The following DACH2 variants were observed in gnomAD, a reference collection of about 807,000 sequenced individuals.
DACH2 encodes the protein dachshund family transcription factor 2, also known as dachshund homolog 2.
A neutral mutation model predicts 35.8 loss-of-function variants in DACH2; 17 were observed. That is an observed-to-expected ratio of 0.48 (90% CI 0.33 to 0.71). The LOEUF is 0.71. Ranked by LOEUF, DACH2 falls within the 30% of genes least tolerant of loss-of-function variation. The pLI is 0.02. For missense variants in DACH2, 469 were observed against 472.7 expected, an observed-to-expected ratio of 0.99 and a Z score of 0.07; for synonymous variants, 195 against 177.3, an observed-to-expected ratio of 1.10 and a Z score of -0.79.
chrX:86,830,176 G>A (rs11092827), intron 11 of DACH2: 41,882 of 110,348 alleles, frequency 0.38, 6,127 homozygotes, highest in Middle Eastern at 0.44. Flanking sequence ...TCATATTATA[G>A]CTGAAATGCA....
At chrX:86,502,409 A>G (rs761997633) in intron 2 of DACH2, among the ~76,000 whole-genome samples, 52 of 111,909 alleles carry the variant, frequency 4.6e-4, no homozygotes, top group Admixed American at 2.5e-3. Flanking sequence ...ATTGCCCAAA[A>G]TATTTTAGAA....
At chrX:86,763,298 A>G (rs968452009) in intron 7 of DACH2, among the ~76,000 whole-genome samples, 3 of 112,475 alleles carry the variant, frequency 2.7e-5, no homozygotes, top group African/African-American at 9.7e-5. Context: ...GGAATGATTT[A>G]CAACCACAAA....
intron 1 of DACH2, among the ~76,000 whole-genome samples, chrX:86,229,872 G>T (rs1165196314): frequency 1.8e-5 from 2 of 110,685 alleles, no homozygotes; most frequent in Non-Finnish European, 3.8e-5. Flanking sequence ...TTCTGGAGGA[G>T]TCCTTAGGGT....
chrX:86,207,371 G>A, intron 1 of DACH2, among the ~76,000 whole-genome samples: 1 of 110,914 alleles, frequency 9.0e-6, no homozygotes. Flanking sequence ...CTTTGGCACT[G>A]GTGCGAGGAT....
At chrX:86,309,893 G>T (rs2034763168) in intron 1 of DACH2, among the ~76,000 whole-genome samples, 1 of 112,150 alleles carries the variant, frequency 8.9e-6, no homozygotes, top group South Asian at 3.7e-4. Flanking sequence ...ACAGAAGAAG[G>T]CTCTGCAACA....
chrX:86,311,160 G>T (rs929591569), intron 1 of DACH2, among the ~76,000 whole-genome samples: 2 of 111,912 alleles, frequency 1.8e-5, no homozygotes, highest in Non-Finnish European at 3.8e-5. Flanking sequence ...ACAAAGGTTT[G>T]CCCCCACAGG....
At chrX:86,676,642 A>G (rs1167832569) in intron 4 of DACH2, among the ~76,000 whole-genome samples, 1 of 112,074 alleles carries the variant, frequency 8.9e-6, no homozygotes, top group Non-Finnish European at 1.9e-5. Flanking sequence ...CGGCTACTAT[A>G]TGACACAGCT....
At chrX:86,152,672 TACA>T (rs1246456275) in intron 1 of DACH2, among the ~76,000 whole-genome samples, 1 of 111,965 alleles carries the variant, frequency 8.9e-6, no homozygotes, top group African/African-American at 3.2e-5. Flanking sequence ...CAAAGAACTG[TACA>T]ACATTTTTCC....
At chrX:86,289,059 C>T (rs1376926611) in intron 1 of DACH2, among the ~76,000 whole-genome samples, 1 of 110,124 alleles carries the variant, frequency 9.1e-6, no homozygotes, top group Non-Finnish European at 1.9e-5. Context: ...GGTATCACTG[C>T]TGGTTATTCA....
rs926827038 is a variant in DACH2, at chrX:86,630,949, T to C, written c.641-20087T>C. ...AAGTGGAACTTTAGCACAGATTGAG[T>C]GTATTCTCTCTTAATATCTATCTGT... On this transcript the variant is annotated intron_variant, in intron 3 of 11. Transcript: ENST00000373125. 4.5e-5 allele frequency among the ~76,000 whole-genome samples: 5 copies of C among 111,713 alleles called. No individual in the cohort carries two copies. In the East Asian group the frequency reaches 1.1e-3, roughly 25 times the overall value.
At chrX:86,416,969 C>A (rs1262981152) in intron 2 of DACH2, among the ~76,000 whole-genome samples, 1 of 107,889 alleles carries the variant, frequency 9.3e-6, no homozygotes, top group Non-Finnish European at 1.9e-5. Context: ...TCGTGGACAC[C>A]TGTAGTCCCA....
chrX:86,547,705 G>A (rs752905078), intron 3 of DACH2, among the ~76,000 whole-genome samples: 1 of 112,019 alleles, frequency 8.9e-6, no homozygotes, highest in Non-Finnish European at 1.9e-5. Flanking sequence ...TAAAGGAAGA[G>A]AACATACCAT....
intron 7 of DACH2, among the ~76,000 whole-genome samples, chrX:86,793,342 C>A (rs990378140): frequency 8.2e-5 from 9 of 110,420 alleles, no homozygotes; most frequent in Admixed American, 2.9e-4. Context: ...TGTAGTGTGT[C>A]TTTATTCTGT....
chrX:86,173,686 A>T (rs1334907507), intron 1 of DACH2, among the ~76,000 whole-genome samples: 1 of 111,882 alleles, frequency 8.9e-6, no homozygotes. Flanking sequence ...GGCCACATGG[A>T]TCCTTTTAGG....
chrX:86,602,910 A>T (rs73245368), intron 3 of DACH2, among the ~76,000 whole-genome samples: 7,183 of 110,797 alleles, frequency 0.065, 360 homozygotes, highest in Admixed American at 0.22. Flanking sequence ...AGGTCACAAG[A>T]TTTTCTCCTA....
intron 4 of DACH2, among the ~76,000 whole-genome samples, chrX:86,682,375 C>T (rs73247218): frequency 0.24 from 26,325 of 110,707 alleles, 2,579 homozygotes; most frequent in Admixed American, 0.45. Flanking sequence ...GTGGTACAAG[C>T]GTGGGAAAAT....
intron 2 of DACH2, among the ~76,000 whole-genome samples, chrX:86,496,187 G>A (rs2038168251): frequency 9.0e-6 from 1 of 111,180 alleles, no homozygotes; most frequent in African/African-American, 3.3e-5. Flanking sequence ...AATGAAGGAA[G>A]TGAAACGTTT....
chrX:86,297,487 C>T (rs1238361722), intron 1 of DACH2, among the ~76,000 whole-genome samples: 4 of 111,877 alleles, frequency 3.6e-5, no homozygotes, highest in African/African-American at 1.3e-4. Flanking sequence ...TTATGTGGAA[C>T]ATTTTAGAAG....
At chrX:86,716,541 G>A (rs1383071567) in intron 6 of DACH2, among the ~76,000 whole-genome samples, 1 of 111,453 alleles carries the variant, frequency 9.0e-6, no homozygotes, top group Non-Finnish European at 1.9e-5. Context: ...AAAACAAACA[G>A]ACAAACAAAA....
Sources: allele counts gnomAD v4.1 joint callset (sites outside exome capture counted in the v4.1 genomes callset), GRCh38; gene constraint gnomAD v4.1.1; transcripts MANE v1.5; gene names NCBI Gene and HGNC (gene_info 2026-07-23, HGNC 2026-07-21).